Variants in CSMD2 observed in about 807,000 individuals in gnomAD.
CSMD2 encodes the protein CUB and Sushi multiple domains 2, also known as CUB and sushi domain-containing protein 2.
In CSMD2, 130 loss-of-function variants were observed where a neutral mutation model predicts 398.5. The observed-to-expected ratio is 0.33, with a 90% CI of 0.28 to 0.38. The LOEUF (loss-of-function observed/expected upper bound fraction) is 0.38. CSMD2 is among the 10% of genes least tolerant of loss of function. CSMD2 has a pLI of 1.00. For synonymous variants in CSMD2, 1,828 were observed against 1,908.5 expected, an observed-to-expected ratio of 0.96 and a Z score of 1.10; for missense variants, 3,829 against 4,764.9, an observed-to-expected ratio of 0.80 and a Z score of 5.78.
At chr1:33,540,463 G>T (rs921467011) in intron 60 of CSMD2, 62 bp downstream of exon 60, 3 of 1,569,556 alleles carry the variant, frequency 1.9e-6, no homozygotes, top group Non-Finnish European at 2.6e-6. Flanking sequence ...ACAAAGCTCC[G>T]AGGAGGCAAG....
chr1:33,971,274 C>G (rs1299010390), intron 3 of CSMD2, among the ~76,000 whole-genome samples: 1 of 152,180 alleles, frequency 6.6e-6, no homozygotes, highest in East Asian at 1.9e-4. Context: ...TTAGCTGTGA[C>G]CTCTAGACTC....
intron 19 of CSMD2, 67 bp from the exon 20 acceptor site, chr1:33,716,568 G>T (rs796246675): frequency 2.2e-6 from 2 of 900,344 alleles, no homozygotes. Flanking sequence ...CTGCAAGACA[G>T]GATCTACACA....
intron 1 of CSMD2, among the ~76,000 whole-genome samples, chr1:34,125,513 G>C (rs912018325): frequency 9.2e-5 from 13 of 141,950 alleles, no homozygotes; most frequent in African/African-American, 3.1e-4. Context: ...TTGGCTGTGT[G>C]TGTGTGTGTG....
At chr1:33,830,402 G>A (rs1297077682) in intron 6 of CSMD2, among the ~76,000 whole-genome samples, 1 of 152,222 alleles carries the variant, frequency 6.6e-6, no homozygotes, top group African/African-American at 2.4e-5. Flanking sequence ...GGCAAACAGG[G>A]TCTGGAGTGG....
At chr1:33,853,199 A>T (rs974726046) in intron 5 of CSMD2, among the ~76,000 whole-genome samples, 3 of 152,250 alleles carry the variant, frequency 2.0e-5, no homozygotes, top group Admixed American at 6.5e-5. Context: ...TCTGTCTTAT[A>T]TAAACTACAA....
At chr1:33,601,184 C>G (rs1177199309) in intron 43 of CSMD2, among the ~76,000 whole-genome samples, 174 bp from the exon 44 acceptor site, 1 of 152,022 alleles carries the variant, frequency 6.6e-6, no homozygotes, top group Non-Finnish European at 1.5e-5. Context: ...CCAACTTGGT[C>G]TCCCAACATA....
intron 1 of CSMD2, among the ~76,000 whole-genome samples, chr1:34,121,621 C>A (rs1343759513): frequency 6.6e-6 from 1 of 152,142 alleles, no homozygotes; most frequent in African/African-American, 2.4e-5. Flanking sequence ...GATATAAATT[C>A]TTGCTTATAG....
intron 26 of CSMD2, among the ~76,000 whole-genome samples, chr1:33,662,562 G>A (rs542035293): frequency 6.6e-6 from 1 of 152,262 alleles, no homozygotes; most frequent in African/African-American, 2.4e-5. Flanking sequence ...CTTTTCTTGA[G>A]TAACTTCTAC....
At chr1:33,707,532 T>C (rs1290848838) in intron 22 of CSMD2, among the ~76,000 whole-genome samples, 1 of 152,162 alleles carries the variant, frequency 6.6e-6, no homozygotes, top group Non-Finnish European at 1.5e-5. Flanking sequence ...TTATGTGGGG[T>C]TGGAAAGCAG....
chr1:33,601,161 C>A (rs1640191796), intron 43 of CSMD2, 151 bp from the exon 44 acceptor site: 2 of 995,004 alleles, frequency 2.0e-6, no homozygotes, highest in Non-Finnish European at 2.9e-6. Flanking sequence ...CTAAATACCT[C>A]TCCCAACCGT....
intron 25 of CSMD2, among the ~76,000 whole-genome samples, chr1:33,668,132 T>G (rs1644374892): frequency 6.6e-6 from 1 of 151,464 alleles, no homozygotes; most frequent in Non-Finnish European, 1.5e-5. Context: ...AAGCCTGCAG[T>G]GAATAAAGGA....
chr1:33,952,660 CTTGT>C (rs1645041815), intron 3 of CSMD2, among the ~76,000 whole-genome samples: 1 of 151,016 alleles, frequency 6.6e-6, no homozygotes, highest in African/African-American at 2.5e-5. Flanking sequence ...TTATGTGGTT[CTTGT>C]TTTTGTTGTT....
At chr1:33,723,934 G>A (rs1162304986) in intron 19 of CSMD2, among the ~76,000 whole-genome samples, 1 of 152,210 alleles carries the variant, frequency 6.6e-6, no homozygotes, top group Non-Finnish European at 1.5e-5. Flanking sequence ...GAAGGTTCCT[G>A]TACTGAGTGA....
intron 37 of CSMD2, among the ~76,000 whole-genome samples, chr1:33,618,429 AT>A (rs1641541608): frequency 6.6e-6 from 1 of 152,066 alleles, no homozygotes; most frequent in Non-Finnish European, 1.5e-5. Flanking sequence ...ATGGCCTATA[AT>A]ATGGAATCCA....
chr1:34,094,075 C>T (rs1426295010), intron 1 of CSMD2, among the ~76,000 whole-genome samples: 1 of 152,172 alleles, frequency 6.6e-6, no homozygotes, highest in East Asian at 1.9e-4. Flanking sequence ...AGAAACCCTA[C>T]AAGCCAGAAG....
intron 2 of CSMD2, among the ~76,000 whole-genome samples, chr1:34,076,058 T>C (rs1368262842): frequency 6.6e-6 from 1 of 152,198 alleles, no homozygotes; most frequent in Non-Finnish European, 1.5e-5. Context: ...TGTGAATAGC[T>C]CCAGATGAAA....
chr1:33,698,308 G>C (rs1282155837), intron 24 of CSMD2, among the ~76,000 whole-genome samples: 2 of 152,136 alleles, frequency 1.3e-5, no homozygotes, highest in African/African-American at 2.4e-5. Flanking sequence ...CATTCCTCCA[G>C]TAAAGGGAGA....
intron 2 of CSMD2, among the ~76,000 whole-genome samples, chr1:34,067,322 G>T (rs1446439948): frequency 6.6e-6 from 1 of 152,206 alleles, no homozygotes; most frequent in Non-Finnish European, 1.5e-5. Context: ...ATTTAAACAT[G>T]TACAAAAGAT....
intron 2 of CSMD2, among the ~76,000 whole-genome samples, chr1:34,086,518 C>T (rs566069639): frequency 6.6e-6 from 1 of 152,222 alleles, no homozygotes; most frequent in Non-Finnish European, 1.5e-5. Context: ...TCTCAGGAAA[C>T]AGCTACTTCT....
Sources: allele counts gnomAD v4.1 joint callset (sites outside exome capture counted in the v4.1 genomes callset), GRCh38; gene constraint gnomAD v4.1.1; transcripts MANE v1.5; gene names NCBI Gene and HGNC (gene_info 2026-07-23, HGNC 2026-07-21).